PTGR1: variants seen among roughly 807,000 people sequenced by gnomAD.
The protein encoded by PTGR1 is prostaglandin reductase 1.
Under a neutral mutation model 37.7 loss-of-function variants are expected in PTGR1, and 23 were observed. The ratio of observed to expected loss-of-function variants is 0.61; its 90% CI spans 0.44 to 0.86. PTGR1 has a LOEUF of 0.86. PTGR1 is among the 40% of genes least tolerant of loss of function. The probability of loss-of-function intolerance (pLI) is 0.00; values close to 1 mark genes in which losing one functional copy is unlikely to be tolerated. For synonymous variants in PTGR1, 134 were observed against 140.0 expected (o/e 0.96, Z 0.30); for missense variants, 351 against 394.3 (o/e 0.89, Z 0.93).
intron 8 of PTGR1, among the ~76,000 whole-genome samples, chr9:111,572,178 G>A: frequency 6.6e-6 from 1 of 152,224 alleles, no homozygotes; most frequent in East Asian, 1.9e-4. Flanking sequence ...TTGGAAATAT[G>A]AAGCTTTGTC....
At chr9:111,560,498 G>A (rs1828244121), downstream of PTGR1, among the ~76,000 whole-genome samples, 1 of 145,016 alleles carries the variant, frequency 6.9e-6, no homozygotes, top group African/African-American at 2.6e-5. Context: ...AAGATCAGCC[G>A]GGCATGGTGG....
At chr9:111,599,394 G>C (rs1447284801) in intron 1 of PTGR1, 1 of 152,388 alleles carries the variant, frequency 6.6e-6, no homozygotes, top group Non-Finnish European at 1.5e-5. Context: ...GCGGCTCCAA[G>C]CTCTCCAAGG....
intron 4 of PTGR1, among the ~76,000 whole-genome samples, chr9:111,591,285 G>T (rs1019937261): frequency 2.7e-5 from 4 of 150,106 alleles, no homozygotes; most frequent in African/African-American, 9.8e-5. Context: ...CAACAAGAGT[G>T]AGACTCCGTC....
intron 9 of PTGR1, among the ~76,000 whole-genome samples, chr9:111,565,489 A>C (rs1012502857): frequency 2.6e-5 from 4 of 152,206 alleles, no homozygotes; most frequent in African/African-American, 4.8e-5. Flanking sequence ...TCTCTGTACT[A>C]TCTTCCCAAT....
chr9:111,595,856 A>G (rs1485005770), intron 2 of PTGR1, among the ~76,000 whole-genome samples: 1 of 151,798 alleles, frequency 6.6e-6, no homozygotes, highest in Non-Finnish European at 1.5e-5. Context: ...GATGGTCTCG[A>G]TCTCCTGACC....
At chr9:111,590,079 C>T (rs908992055) in intron 4 of PTGR1, among the ~76,000 whole-genome samples, 7 of 152,006 alleles carry the variant, frequency 4.6e-5, no homozygotes, top group African/African-American at 7.3e-5. Context: ...TCAACAAAGG[C>T]CCAAACATTT....
intron 9 of PTGR1, 23 bp from the exon 10 acceptor site, chr9:111,563,254 T>C (rs754327548): frequency 3.1e-6 from 5 of 1,599,200 alleles, no homozygotes; most frequent in Non-Finnish European, 3.4e-6. Context: ...AACAACAAAT[T>C]TTAAAACTTA....
In PTGR1 at chr9:111,578,818, C is replaced by T. The variant is rs760458021; in HGVS notation, c.629G>A (p.Gly210Asp). 3.6e-5 allele frequency: 58 copies of T among 1,604,354 alleles called. No individual in the cohort carries two copies. Among genetic ancestry groups the T allele is most frequent in the Non-Finnish European group, 4.8e-5 (57 of 1,177,028 alleles). The stretch of plus-strand genomic sequence containing the variant: ...TACATTATCAAAATAACAATCATAA[C>T]CATCAGGAGACGCTTTCTTCAAGGT... ...EETLKKASPD[G>D]YDCYFDNVGG... The change falls in exon 7 of 10, where the codon GGT becomes GAT. Residue 210 changes from glycine (G) to aspartate (D), a missense_variant. By Grantham distance (94) the Gly-to-Asp change is moderately conservative. Transcript: ENST00000407693.
intron 4 of PTGR1, 127 bp downstream of exon 4, chr9:111,592,799 C>A: frequency 1.6e-6 from 2 of 1,270,642 alleles, no homozygotes; most frequent in Admixed American, 2.6e-5. Flanking sequence ...AAGTTGATTC[C>A]AAGATCACAC....
intron 9 of PTGR1, among the ~76,000 whole-genome samples, chr9:111,567,787 A>G (rs1828631529): frequency 6.6e-6 from 1 of 152,236 alleles, no homozygotes. Context: ...ATGGGAGGCC[A>G]GGTAGAGTCC....
chr9:111,598,442 C>G (rs1829848616), intron 1 of PTGR1, among the ~76,000 whole-genome samples: 1 of 152,162 alleles, frequency 6.6e-6, no homozygotes. Flanking sequence ...TGCGAGGGAG[C>G]CAGGGGGGCG....
At chr9:111,549,782 T>G (rs1827886271) in exon 10 of PTGR1, 2 of 1,546,482 alleles carry the variant, frequency 1.3e-6, no homozygotes, top group South Asian at 2.4e-5. Flanking sequence ...TTCAATCTTC[T>G]TCATTTTCTC....
At chr9:111,599,002 T>A (rs1461381666) in intron 1 of PTGR1, among the ~76,000 whole-genome samples, 2 of 152,220 alleles carry the variant, frequency 1.3e-5, no homozygotes, top group South Asian at 4.1e-4. Context: ...GTTATTTCTA[T>A]GAGTTCAACT....
At chr9:111,597,246 T>C in intron 2 of PTGR1, 71 bp downstream of exon 2, 2 of 1,155,808 alleles carry the variant, frequency 1.7e-6, no homozygotes, top group Non-Finnish European at 2.5e-6. Flanking sequence ...AACTTTGGGG[T>C]AGTTTGTTAT....
chr9:111,584,701 G>C (rs1829380456), intron 5 of PTGR1, among the ~76,000 whole-genome samples: 1 of 152,178 alleles, frequency 6.6e-6, no homozygotes, highest in Non-Finnish European at 1.5e-5. Context: ...CTTTGAGCAG[G>C]AGACCAGCTT....
Position 111,574,836 on chromosome 9 carries a change from C to T in PTGR1, c.658G>A (p.Gly220Arg), listed in dbSNP as rs776386515. The change falls in exon 8 of 10, where the codon GGA becomes AGA. Residue 220 changes from glycine to arginine, a missense_variant. Coordinates refer to ENST00000407693, the MANE Select transcript of PTGR1 (RefSeq NM_001146108.2). ...GYDCYFDNVGGEFSNTVIGQM... is the reference protein window; with the variant it reads ...GYDCYFDNVGREFSNTVIGQM... ...CCGATAACAGTGTTTGAAAACTCTC[C>T]ACCTACCTAAACAGATAGCAAAGAC... 6.2e-7 allele frequency: 1 copy of T among 1,611,956 alleles called. No homozygotes were observed. Among genetic ancestry groups the T allele is most frequent in the Non-Finnish European group, 8.5e-7 (1 of 1,178,438 alleles).
At chr9:111,581,870 AG>A (rs1399901478) in intron 6 of PTGR1, among the ~76,000 whole-genome samples, 1 of 152,190 alleles carries the variant, frequency 6.6e-6, no homozygotes, top group Non-Finnish European at 1.5e-5. Context: ...ATTATTTATT[AG>A]ATTATTGAAT....
intron 8 of PTGR1, among the ~76,000 whole-genome samples, chr9:111,570,794 A>G (rs1260267130): frequency 1.3e-5 from 2 of 152,100 alleles, no homozygotes; most frequent in African/African-American, 4.8e-5. Flanking sequence ...AATAAAAAGA[A>G]AAAAAGAACC....
intron 4 of PTGR1, 63 bp downstream of exon 4, chr9:111,592,863 G>C: frequency 2.5e-6 from 4 of 1,574,876 alleles, no homozygotes; most frequent in Non-Finnish European, 3.4e-6. Context: ...ACAGAGACAG[G>C]ACCCAGCAGG....
Sources: allele counts gnomAD v4.1 joint callset (sites outside exome capture counted in the v4.1 genomes callset), GRCh38; gene constraint gnomAD v4.1.1; transcripts MANE v1.5; gene names NCBI Gene and HGNC (gene_info 2026-07-23, HGNC 2026-07-21).